ANKHD1: variants seen among roughly 807,000 people sequenced by gnomAD.
The protein encoded by ANKHD1 is ankyrin repeat and KH domain containing 1, also known as ankyrin repeat and KH domain-containing protein 1.
Under a neutral mutation model 230.5 loss-of-function variants are expected in ANKHD1, and 31 were observed. The observed-to-expected ratio is 0.13, with a 90% CI of 0.10 to 0.18. The LOEUF (loss-of-function observed/expected upper bound fraction) is 0.18. ANKHD1 is among the 10% of genes least tolerant of loss of function. The pLI is 1.00. For missense variants in ANKHD1, 2,256 were observed against 3,071.3 expected (o/e 0.73, Z 6.27); for synonymous variants, 1,074 against 1,117.6 (o/e 0.96, Z 0.78).
chr5:140,516,548 G>A (rs1239284730), intron 24 of ANKHD1, among the ~76,000 whole-genome samples: 1 of 152,046 alleles, frequency 6.6e-6, no homozygotes, highest in Non-Finnish European at 1.5e-5. Flanking sequence ...AGAAAGGTCG[G>A]GTTACCCTCA....
chr5:140,434,442 C>T (rs973008378), intron 1 of ANKHD1, among the ~76,000 whole-genome samples: 5 of 149,302 alleles, frequency 3.3e-5, no homozygotes, highest in African/African-American at 4.9e-5. Flanking sequence ...GTATATTATA[C>T]AAATTACATA....
chr5:140,419,804 T>C lies in ANKHD1; in HGVS notation c.307-16300T>C, dbSNP rs545308923. Among the ~76,000 whole-genome samples, 10 of 91,546 alleles carry C rather than the reference T, an allele frequency of 1.1e-4. No individual in the cohort carries two copies. The South Asian group carries it at 1.9e-3, about 18-fold the overall frequency. The allele number at this position is 91,546 out of a possible 152,430, so 60.1% of individuals were successfully genotyped here. ...TTTCTTTCTTTCTTTCTTTCTTTCT[T>C]TCTTTCTTTCTTTCTTTCTTTCTTT... On this transcript the variant is annotated intron_variant, in intron 1 of 33. Transcript: ENST00000360839.
chr5:140,471,816 T>A (rs934817932), intron 10 of ANKHD1, among the ~76,000 whole-genome samples: 7 of 152,316 alleles, frequency 4.6e-5, no homozygotes, highest in African/African-American at 1.7e-4. Flanking sequence ...ACATTTATAA[T>A]GAGGGGAAAA....
At chr5:140,423,431 A>G (rs1441316664) in intron 1 of ANKHD1, among the ~76,000 whole-genome samples, 1 of 152,174 alleles carries the variant, frequency 6.6e-6, no homozygotes, top group African/African-American at 2.4e-5. Context: ...ATGGGCTCTA[A>G]GTGGCAGGTT....
chr5:140,497,634 A>C (rs1752090626), intron 15 of ANKHD1, among the ~76,000 whole-genome samples: 1 of 152,164 alleles, frequency 6.6e-6, no homozygotes, highest in African/African-American at 2.4e-5. Flanking sequence ...TTATACTTAA[A>C]ATTTTCCTGC....
rs560040869 is a variant in ANKHD1, at chr5:140,510,876, G to T, written c.4104+695G>T. On this transcript the variant is annotated intron_variant, in intron 22 of 33. Transcript: ENST00000360839. ...CTCAGTCTGTCAACCAGGCTGGAGT[G>T]CAGTGGCATGATCATAGCTCACTAT... 3.3e-5 allele frequency among the ~76,000 whole-genome samples: 5 copies of T among 152,102 alleles called. No individual in the cohort carries two copies. The East Asian group carries it at 9.7e-4, about 29-fold the overall frequency.
At chr5:140,453,679 C>T (rs1262144569) in intron 7 of ANKHD1, among the ~76,000 whole-genome samples, 2 of 152,116 alleles carry the variant, frequency 1.3e-5, no homozygotes, top group Non-Finnish European at 2.9e-5. Flanking sequence ...ATTTTGTCAC[C>T]ACCAGGCCTG....
At chr5:140,519,447 C>G (rs1472727486) in intron 24 of ANKHD1, among the ~76,000 whole-genome samples, 1 of 152,066 alleles carries the variant, frequency 6.6e-6, no homozygotes, top group Non-Finnish European at 1.5e-5. Flanking sequence ...CATATGGCAC[C>G]AAAAAAGAGC....
At chr5:140,502,406 G>A (rs1287257458) in intron 15 of ANKHD1, among the ~76,000 whole-genome samples, 3 of 152,128 alleles carry the variant, frequency 2.0e-5, no homozygotes, top group Non-Finnish European at 2.9e-5. Flanking sequence ...TGTTAACAAA[G>A]CTGTTAAATG....
At chr5:140,452,383 A>G (rs943827116) in intron 7 of ANKHD1, among the ~76,000 whole-genome samples, 2 of 152,190 alleles carry the variant, frequency 1.3e-5, no homozygotes, top group African/African-American at 2.4e-5. Context: ...TTGTTCTCCA[A>G]GCACGGAGTT....
chr5:140,534,631 A>C (rs1753992287), intron 29 of ANKHD1, among the ~76,000 whole-genome samples: 1 of 152,202 alleles, frequency 6.6e-6, no homozygotes, highest in Non-Finnish European at 1.5e-5. Context: ...TCAAAGTCTG[A>C]AAATAAGACC....
At chr5:140,457,837 A>G (rs1314800683) in intron 7 of ANKHD1, among the ~76,000 whole-genome samples, 2 of 152,068 alleles carry the variant, frequency 1.3e-5, no homozygotes, top group Admixed American at 6.5e-5. Flanking sequence ...CATGTACCCT[A>G]GAACTTAAAG....
rs1752531582 is a variant in ANKHD1, at chr5:140,506,289, G to A, written c.3408+420G>A. Among the ~76,000 whole-genome samples the A allele has an allele frequency of 6.6e-6, 1 of 151,724 alleles. No individual in the cohort carries two copies. The highest frequency in any genetic ancestry group is 2.4e-5 in the African/African-American group (1 of 41,154). ...AATGGGTACTTCTGTTAACTTTTAT[G>A]GGAATGTAAATGCCCTTTTTTTTTG... On this transcript the variant is annotated intron_variant, in intron 18 of 33. Coordinates refer to ENST00000360839, the MANE Select transcript of ANKHD1 (RefSeq NM_017747.3). The surrounding 1 kb of genome is among the most constrained non-coding windows in gnomAD (Gnocchi z 4.7).
intron 15 of ANKHD1, among the ~76,000 whole-genome samples, chr5:140,503,604 G>T (rs1009353948): frequency 1.0e-5 from 1 of 99,706 alleles, no homozygotes; most frequent in Admixed American, 1.6e-4. Flanking sequence ...GTCTCACTCT[G>T]TTGCCCATGC....
chr5:140,451,387 CTG>C (rs1422239195), intron 7 of ANKHD1, among the ~76,000 whole-genome samples: 1 of 152,016 alleles, frequency 6.6e-6, no homozygotes, highest in African/African-American at 2.4e-5. Flanking sequence ...ATTAGTAAAA[CTG>C]AAATTTTAAT....
chr5:140,476,897 T>A (rs939313401), intron 10 of ANKHD1, among the ~76,000 whole-genome samples: 5 of 152,186 alleles, frequency 3.3e-5, no homozygotes, highest in Non-Finnish European at 4.4e-5. Flanking sequence ...TTAGAGAGTT[T>A]AAAAGCCACG....
At chr5:140,432,069 C>T (rs1773087814) in intron 1 of ANKHD1, among the ~76,000 whole-genome samples, 1 of 152,106 alleles carries the variant, frequency 6.6e-6, no homozygotes. Flanking sequence ...ATTCTAGATA[C>T]CTTATATCTT....
chr5:140,488,031 G>A (rs1581327412), intron 14 of ANKHD1, among the ~76,000 whole-genome samples: 1 of 152,154 alleles, frequency 6.6e-6, no homozygotes, highest in Non-Finnish European at 1.5e-5. Context: ...AATATCTGTA[G>A]TCTCTCTGAT....
chr5:140,441,498 T>A (rs1773843448), intron 5 of ANKHD1, among the ~76,000 whole-genome samples: 1 of 150,156 alleles, frequency 6.7e-6, no homozygotes, highest in Admixed American at 6.6e-5. Flanking sequence ...TGATCTCACT[T>A]TTTTTTTTCC....
Sources: gnomAD v4.1 joint callset for allele counts (sites outside exome capture counted in the v4.1 genomes callset) on GRCh38, gnomAD v4.1.1 for gene constraint, Gnocchi (gnomAD v3.1) non-coding constraint, MANE v1.5 for transcripts, NCBI Gene and HGNC (gene_info 2026-07-23, HGNC 2026-07-21) for gene names.